The following FRMD4A variants were observed in gnomAD, a reference collection of about 807,000 sequenced individuals.
FRMD4A encodes the protein FERM domain-containing protein 4A.
Under a neutral mutation model 129.1 loss-of-function variants are expected in FRMD4A, and 29 were observed. That is an observed-to-expected ratio of 0.22 (90% CI 0.17 to 0.31). The LOEUF (loss-of-function observed/expected upper bound fraction) is 0.31. Ranked by LOEUF, FRMD4A falls within the 10% of genes least tolerant of loss-of-function variation. The pLI is 1.00. For synonymous variants in FRMD4A, 634 were observed against 571.6 expected, an observed-to-expected ratio of 1.11 and a Z score of -1.56; for missense variants, 1,272 against 1,375.8, an observed-to-expected ratio of 0.92 and a Z score of 1.19.
At chr10:14,059,881 C>T (rs1834724159) in intron 2 of FRMD4A, among the ~76,000 whole-genome samples, 1 of 152,178 alleles carries the variant, frequency 6.6e-6, no homozygotes, top group Non-Finnish European at 1.5e-5. Context: ...AGGCACCCTT[C>T]CAGGTATGAA....
In FRMD4A at chr10:14,217,579, G is replaced by A. The variant is rs573939081; in HGVS notation, c.45+112479C>T. Among the ~76,000 whole-genome samples, 18 of 152,190 alleles carry A rather than the reference G, an allele frequency of 1.2e-4. 1 individual carries two copies. In the South Asian group the frequency reaches 3.7e-3, roughly 32 times the overall value. ...CCTCTTTTTCTTTATAAATTGCCCA[G>A]TCCTGGTTATGTCTCTATCAGCAGC... On this transcript the variant is annotated intron_variant, in intron 2 of 24. Coordinates refer to ENST00000357447, the MANE Select transcript of FRMD4A (RefSeq NM_018027.5).
chr10:13,760,432 T>C (rs904072087), intron 8 of FRMD4A, among the ~76,000 whole-genome samples: 4 of 152,090 alleles, frequency 2.6e-5, no homozygotes, highest in Admixed American at 1.3e-4. Context: ...GGCAGGAGGA[T>C]CACTTGAGCC....
Position 13,717,699 on chromosome 10 carries a change from T to G in FRMD4A, c.760-10586A>C, listed in dbSNP as rs1381701397. On this transcript the variant is annotated intron_variant, in intron 12 of 24. Coordinates refer to ENST00000357447, the MANE Select transcript of FRMD4A (RefSeq NM_018027.5). ...GAGAAACCTGTTGTTCTTGTTTTTT[T>G]TTTTTTTTTTTCCAGGGGTGGCGGG... 3.6e-5 allele frequency among the ~76,000 whole-genome samples: 5 copies of G among 140,696 alleles called. 1 individual carries two copies. In the South Asian group the frequency reaches 1.2e-3, roughly 33 times the overall value. 92.3% of individuals were successfully genotyped at this position (140,696 alleles called of 152,430 possible).
At chr10:13,884,156 T>A (rs28693814) in intron 2 of FRMD4A, among the ~76,000 whole-genome samples, 1,579 of 28,958 alleles carry the variant, frequency 0.055, 48 homozygotes, top group African/African-American at 0.13. Flanking sequence ...TCACACACTC[T>A]CACACACACA....
chr10:13,867,852 ATAATATATAATG>A (rs2094393441), intron 2 of FRMD4A, among the ~76,000 whole-genome samples: 1 of 139,902 alleles, frequency 7.1e-6, no homozygotes, highest in Admixed American at 7.7e-5. Context: ...AATACATAAT[ATAATATATAATG>A]TAATATATAA....
At chr10:13,939,339 T>C (rs572309179) in intron 2 of FRMD4A, among the ~76,000 whole-genome samples, 1 of 152,222 alleles carries the variant, frequency 6.6e-6, no homozygotes, top group African/African-American at 2.4e-5. Context: ...GCAATTTTCC[T>C]CTATTTTTCA....
At chr10:14,193,486 A>G (rs1358992689) in intron 2 of FRMD4A, among the ~76,000 whole-genome samples, 1 of 140,166 alleles carries the variant, frequency 7.1e-6, no homozygotes, top group African/African-American at 2.5e-5. Context: ...ACACACACAC[A>G]CACACAGAGT....
At chr10:13,709,966 T>C (rs1316305344) in intron 12 of FRMD4A, among the ~76,000 whole-genome samples, 2 of 152,206 alleles carry the variant, frequency 1.3e-5, no homozygotes, top group Non-Finnish European at 2.9e-5. Context: ...TATGAGATTT[T>C]GGTGTGCCCA....
At chr10:13,725,395 T>C (rs2089815395) in intron 12 of FRMD4A, among the ~76,000 whole-genome samples, 1 of 152,226 alleles carries the variant, frequency 6.6e-6, no homozygotes, top group Non-Finnish European at 1.5e-5. Flanking sequence ...AGGAGGTGCC[T>C]CCAAGCTTGT....
chr10:13,886,532 A>C (rs1300941764), intron 2 of FRMD4A, among the ~76,000 whole-genome samples: 2 of 152,108 alleles, frequency 1.3e-5, no homozygotes, highest in Non-Finnish European at 2.9e-5. Context: ...AACAAGCGAC[A>C]CTGTGCTTTA....
At chr10:13,765,997 C>G (rs1345745890) in intron 6 of FRMD4A, among the ~76,000 whole-genome samples, 1 of 152,206 alleles carries the variant, frequency 6.6e-6, no homozygotes, top group Non-Finnish European at 1.5e-5. Flanking sequence ...ATCTGATGCG[C>G]AACTCAAAAC....
In FRMD4A at chr10:14,208,807, C is replaced by A. The variant is rs138001757; in HGVS notation, c.45+121251G>T. ...ACCTGTATCTGTCCCATGCCTGGTTCCCATTCCCGGATCCTTGGAAGATCC... is the reference window on the plus strand; with the variant it reads ...ACCTGTATCTGTCCCATGCCTGGTTACCATTCCCGGATCCTTGGAAGATCC... On this transcript the variant is annotated intron_variant, in intron 2 of 24. Transcript: ENST00000357447. Among the ~76,000 whole-genome samples, 82 of 152,286 alleles carry A rather than the reference C, an allele frequency of 5.4e-4. 2 individuals are homozygous for A. The East Asian group carries it at 0.014, about 26-fold the overall frequency.
chr10:13,967,707 T>G (rs2095493865), intron 2 of FRMD4A, among the ~76,000 whole-genome samples: 1 of 152,230 alleles, frequency 6.6e-6, no homozygotes, highest in East Asian at 1.9e-4. Context: ...CTTTTTGTCC[T>G]CTGTCATTAG....
chr10:14,117,836 AG>A (rs1294541892), intron 2 of FRMD4A, among the ~76,000 whole-genome samples: 2 of 152,170 alleles, frequency 1.3e-5, no homozygotes, highest in African/African-American at 4.8e-5. Context: ...TTGTGAGTGT[AG>A]GTCCTCCAAG....
intron 2 of FRMD4A, among the ~76,000 whole-genome samples, chr10:14,089,590 T>C (rs1223192858): frequency 7.7e-6 from 1 of 130,224 alleles, no homozygotes. Flanking sequence ...TTATTTATTG[T>C]GGATTGAAAA....
At chr10:14,109,546 G>A (rs1056096770) in intron 2 of FRMD4A, among the ~76,000 whole-genome samples, 5 of 152,134 alleles carry the variant, frequency 3.3e-5, no homozygotes, top group Non-Finnish European at 7.4e-5. Context: ...TTCTCCTGCC[G>A]CAGAACAAAA....
intron 2 of FRMD4A, among the ~76,000 whole-genome samples, chr10:14,207,810 C>T (rs538392635): frequency 3.2e-4 from 48 of 151,458 alleles, no homozygotes; most frequent in African/African-American, 1.2e-3. Flanking sequence ...TTTTTATTTC[C>T]CTCTTTATAC....
At chr10:14,065,363 T>C (rs985789938) in intron 2 of FRMD4A, among the ~76,000 whole-genome samples, 38 of 152,126 alleles carry the variant, frequency 2.5e-4, no homozygotes, top group African/African-American at 8.9e-4. Flanking sequence ...TTTTGTATTT[T>C]TAGTAGAGAC....
rs1022984666 is a variant in FRMD4A at position 13,643,749 on chromosome 10, T to C, written c.*3289A>G. On this transcript the variant is annotated 3_prime_UTR_variant, in exon 25 of 25. Coordinates refer to ENST00000357447, the MANE Select transcript of FRMD4A (RefSeq NM_018027.5). Reference sequence around the variant, plus strand: ...GCTTTAATAAGTGTTGACAACACTGTTTTGCAAAATGTAAAGGTACTATAC... The same window carrying C: ...GCTTTAATAAGTGTTGACAACACTGCTTTGCAAAATGTAAAGGTACTATAC... 6.6e-6 allele frequency: 1 copy of C among 152,646 alleles called. No homozygotes were observed. The allele number at this position is 152,646 out of a possible 1,614,324, so 9.5% of individuals were successfully genotyped here.
Sources: gnomAD v4.1 joint callset for allele counts (sites outside exome capture counted in the v4.1 genomes callset) on GRCh38, gnomAD v4.1.1 for gene constraint, MANE v1.5 for transcripts, NCBI Gene and HGNC (gene_info 2026-07-23, HGNC 2026-07-21) for gene names.